Variants in SEMA3E observed in about 807,000 individuals in gnomAD.
The protein encoded by SEMA3E is semaphorin-3E.
SEMA3E carries 49 observed loss-of-function variants against 93.6 expected under a neutral mutation model. The ratio of observed to expected loss-of-function variants is 0.52; its 90% confidence interval spans 0.42 to 0.66. SEMA3E has a LOEUF of 0.66. Among genes scored for constraint, SEMA3E ranks in the 30% least tolerant of loss-of-function variants. The probability of loss-of-function intolerance (pLI) is 0.00; values close to 1 mark genes in which losing one functional copy is unlikely to be tolerated. For missense variants in SEMA3E, 906 were observed against 964.8 expected (o/e 0.94, Z 0.81); for synonymous variants, 363 against 330.7 (o/e 1.10, Z -1.06).
At chr7:83,524,960 A>G (rs1791125274) in intron 1 of SEMA3E, among the ~76,000 whole-genome samples, 1 of 151,804 alleles carries the variant, frequency 6.6e-6, no homozygotes, top group Non-Finnish European at 1.5e-5. Context: ...CTTCTTCCTG[A>G]CCTGAATCCC....
At chr7:83,464,845 C>A (rs561661566) in intron 4 of SEMA3E, among the ~76,000 whole-genome samples, 2,342 of 149,028 alleles carry the variant, frequency 0.016, 68 homozygotes, top group African/African-American at 0.054. Flanking sequence ...GAAACATCGC[C>A]CATTCTCTCT....
chr7:83,484,559 G>A (rs1159386965), intron 2 of SEMA3E, among the ~76,000 whole-genome samples: 1 of 152,078 alleles, frequency 6.6e-6, no homozygotes, highest in Non-Finnish European at 1.5e-5. Flanking sequence ...GTCAAAACTG[G>A]TCATTGAGCC....
intron 1 of SEMA3E, among the ~76,000 whole-genome samples, chr7:83,491,361 A>G (rs3801512): frequency 0.32 from 49,089 of 151,526 alleles, 9,672 homozygotes; most frequent in East Asian, 0.45. Flanking sequence ...TTAGTTTAAA[A>G]TGAACAATAC....
intron 14 of SEMA3E, among the ~76,000 whole-genome samples, chr7:83,389,232 G>A (rs1022345412): frequency 7.9e-5 from 12 of 152,000 alleles, no homozygotes; most frequent in African/African-American, 2.9e-4. Context: ...ATCAAGATGA[G>A]AATTAAAATG....
chr7:83,420,974 G>A (rs1788660934), intron 4 of SEMA3E, among the ~76,000 whole-genome samples: 1 of 142,106 alleles, frequency 7.0e-6, no homozygotes, highest in Admixed American at 7.0e-5. Flanking sequence ...CTGACAAGTG[G>A]GACCTAATTA....
At chr7:83,584,352 C>G (rs1223066988) in intron 1 of SEMA3E, among the ~76,000 whole-genome samples, 1 of 151,978 alleles carries the variant, frequency 6.6e-6, no homozygotes, top group Non-Finnish European at 1.5e-5. Flanking sequence ...TGTCTAACAT[C>G]CATAAGCTGA....
At chr7:83,465,393 T>TA (rs987524833) in intron 4 of SEMA3E, among the ~76,000 whole-genome samples, 5 of 152,090 alleles carry the variant, frequency 3.3e-5, no homozygotes, top group Non-Finnish European at 4.4e-5. Flanking sequence ...AAACTAATGA[T>TA]AAAATCTCCC....
At chr7:83,414,503 T>C (rs903192616) in intron 5 of SEMA3E, among the ~76,000 whole-genome samples, 2 of 152,036 alleles carry the variant, frequency 1.3e-5, no homozygotes, top group Non-Finnish European at 2.9e-5. Flanking sequence ...GGATAAAAGC[T>C]CAGTCAGGAA....
At chr7:83,635,056 T>A (rs550388665) in intron 1 of SEMA3E, among the ~76,000 whole-genome samples, 1 of 152,108 alleles carries the variant, frequency 6.6e-6, no homozygotes, top group African/African-American at 2.4e-5. Context: ...AATATTCTAG[T>A]ACTCATTCTA....
intron 1 of SEMA3E, among the ~76,000 whole-genome samples, chr7:83,593,130 T>A (rs1792787122): frequency 6.6e-6 from 1 of 152,020 alleles, no homozygotes; most frequent in African/African-American, 2.4e-5. Flanking sequence ...TAAACTTTAG[T>A]TACTAGCTAG....
chr7:83,602,897 GTTA>G (rs1793027484), intron 1 of SEMA3E, among the ~76,000 whole-genome samples: 1 of 151,974 alleles, frequency 6.6e-6, no homozygotes, highest in Non-Finnish European at 1.5e-5. Flanking sequence ...AACATGTATT[GTTA>G]TTATTTTACA....
chr7:83,612,460 A>C (rs1005295644), intron 1 of SEMA3E: 1 of 152,196 alleles, frequency 6.6e-6, no homozygotes, highest in African/African-American at 2.4e-5. Flanking sequence ...TCCTATGGAA[A>C]AAATAGGTAT....
chr7:83,407,220 T>C lies in SEMA3E; in HGVS notation c.690A>G (p.Ser230=). ...TGTCTTCATTGTCAGGAATCATGTA[T>C]GAACCTACAAATTTTGGTTCTATAG... ...RLLKEPKFVG[S]YMIPDNEDRD... The change falls in exon 7 of 17, where the codon TCA becomes TCG. Residue 230 remains serine (S), a synonymous_variant. Coordinates refer to ENST00000643230, the MANE Select transcript of SEMA3E (RefSeq NM_012431.3). 6.2e-7 allele frequency: 1 copy of C among 1,613,212 alleles called. No individual in the cohort carries two copies. The highest frequency in any genetic ancestry group is 8.5e-7 in the Non-Finnish European group (1 of 1,179,656).
chr7:83,403,962 C>T (rs2709931), intron 9 of SEMA3E, among the ~76,000 whole-genome samples: 76,799 of 151,690 alleles, frequency 0.51, 22,324 homozygotes, highest in East Asian at 0.85. Flanking sequence ...ATGTCTTATG[C>T]TTGATTTCTC....
At chr7:83,536,530 C>A (rs1376576310) in intron 1 of SEMA3E, among the ~76,000 whole-genome samples, 1 of 151,780 alleles carries the variant, frequency 6.6e-6, no homozygotes, top group Non-Finnish European at 1.5e-5. Flanking sequence ...CTACCTAAAG[C>A]AAAACAAGTA....
intron 1 of SEMA3E, among the ~76,000 whole-genome samples, chr7:83,563,202 C>T (rs1477928516): frequency 6.6e-6 from 1 of 152,162 alleles, no homozygotes; most frequent in Non-Finnish European, 1.5e-5. Flanking sequence ...TCAACACAGA[C>T]AAACTCTCTG....
At chr7:83,472,653 A>G (rs1449476588) in intron 2 of SEMA3E, among the ~76,000 whole-genome samples, 1 of 152,142 alleles carries the variant, frequency 6.6e-6, no homozygotes, top group East Asian at 1.9e-4. Context: ...TCTTGGAGGG[A>G]TGGTGTTTCT....
Position 83,490,184 on chromosome 7 carries a change from C to T in SEMA3E, c.206G>A (p.Arg69Lys), listed in dbSNP as rs774097200. Residue 69 changes from arginine to lysine, a missense_variant, in exon 2 of 17, where the codon AGG becomes AAG. Physicochemically the swap from Arg to Lys is conservative, Grantham distance 26 (BLOSUM62 2). Coordinates refer to ENST00000643230, the MANE Select transcript of SEMA3E (RefSeq NM_012431.3). Reference sequence around the variant, plus strand: ...AAGGTCCCTGCCTCCCACGAAGAGCCTCTCTTGATATTCATCCAGCAGCAT... The same window carrying T: ...AAGGTCCCTGCCTCCCACGAAGAGCTTCTCTTGATATTCATCCAGCAGCAT... ...HTMLLDEYQE[R>K]LFVGGRDLVY... 6.2e-7 allele frequency: 1 copy of T among 1,613,058 alleles called. No homozygotes were observed. Among genetic ancestry groups the T allele is most frequent in the Non-Finnish European group, 8.5e-7 (1 of 1,179,438 alleles).
At chr7:83,463,498 C>T (rs1466515125) in intron 4 of SEMA3E, among the ~76,000 whole-genome samples, 1 of 152,190 alleles carries the variant, frequency 6.6e-6, no homozygotes, top group Non-Finnish European at 1.5e-5. Context: ...ACCGTTGTTG[C>T]TGGCCCAGAC....
Sources: allele counts gnomAD v4.1 joint callset (sites outside exome capture counted in the v4.1 genomes callset), GRCh38; gene constraint gnomAD v4.1.1; transcripts MANE v1.5; gene names NCBI Gene and HGNC (gene_info 2026-07-23, HGNC 2026-07-21).